Variants in FARS2 observed in about 807,000 individuals in gnomAD.
FARS2 encodes phenylalanine--tRNA ligase, mitochondrial.
In FARS2, 40 loss-of-function variants were observed where a neutral mutation model predicts 46.4. The observed-to-expected ratio is 0.86, with a 90% CI of 0.67 to 1.12. The LOEUF (loss-of-function observed/expected upper bound fraction) is 1.12. Ranked by LOEUF, FARS2 falls within the 50% of genes most tolerant of loss-of-function variation. The probability of loss-of-function intolerance (pLI) is 0.00; values close to 1 mark genes in which losing one functional copy is unlikely to be tolerated. For synonymous variants in FARS2, 234 were observed against 214.9 expected, an observed-to-expected ratio of 1.09 and a Z score of -0.78; for missense variants, 513 against 567.9, an observed-to-expected ratio of 0.90 and a Z score of 0.98.
At chr6:5,422,442 T>G (rs1762607227) in intron 3 of FARS2, among the ~76,000 whole-genome samples, 1 of 152,154 alleles carries the variant, frequency 6.6e-6, no homozygotes, top group African/African-American at 2.4e-5. Context: ...AGACCGTGCC[T>G]TCTTGGTCTC....
chr6:5,335,603 T>C (rs1771098563), intron 1 of FARS2, among the ~76,000 whole-genome samples: 1 of 152,192 alleles, frequency 6.6e-6, no homozygotes, highest in Non-Finnish European at 1.5e-5. Context: ...CAATTAGCAA[T>C]TAGTTGTAAT....
intron 1 of FARS2, among the ~76,000 whole-genome samples, chr6:5,328,830 G>C (rs1770584870): frequency 6.6e-6 from 1 of 152,006 alleles, no homozygotes; most frequent in African/African-American, 2.4e-5. Flanking sequence ...CCATGTCCTG[G>C]AACCTTCTGC....
At chr6:5,478,095 T>G (rs201813716) in intron 4 of FARS2, among the ~76,000 whole-genome samples, 14 of 151,942 alleles carry the variant, frequency 9.2e-5, no homozygotes, top group African/African-American at 3.1e-4. Context: ...AATAAAACAC[T>G]TAGTGCTTGG....
intron 6 of FARS2, among the ~76,000 whole-genome samples, chr6:5,667,838 A>C (rs1317907003): frequency 2.6e-5 from 4 of 152,212 alleles, no homozygotes; most frequent in African/African-American, 9.7e-5. Context: ...ATACATCTTA[A>C]CTTTAGTGGG....
At chr6:5,444,273 C>T (rs1764017331) in intron 4 of FARS2, among the ~76,000 whole-genome samples, 1 of 151,926 alleles carries the variant, frequency 6.6e-6, no homozygotes, top group South Asian at 2.1e-4. Flanking sequence ...TCGCGACCAG[C>T]CTGACCAACA....
At chr6:5,507,195 A>G (rs1768150955) in intron 4 of FARS2, among the ~76,000 whole-genome samples, 1 of 152,214 alleles carries the variant, frequency 6.6e-6, no homozygotes, top group South Asian at 2.1e-4. Flanking sequence ...ACACATTTAC[A>G]GTGTGGTTAA....
At chr6:5,520,659 T>C (rs796534980) in intron 4 of FARS2, among the ~76,000 whole-genome samples, 6 of 152,308 alleles carry the variant, frequency 3.9e-5, no homozygotes, top group African/African-American at 1.4e-4. Context: ...ATGTTTTTCA[T>C]TGTCAAACTG....
At chr6:5,737,517 C>A (rs911277618) in intron 6 of FARS2, among the ~76,000 whole-genome samples, 1 of 152,172 alleles carries the variant, frequency 6.6e-6, no homozygotes, top group African/African-American at 2.4e-5. Flanking sequence ...GGCGACAGAG[C>A]AAGACCCTGT....
intron 6 of FARS2, among the ~76,000 whole-genome samples, chr6:5,742,119 G>A (rs1483144639): frequency 2.6e-5 from 4 of 152,082 alleles, no homozygotes; most frequent in Admixed American, 6.5e-5. Context: ...AGATGAATAG[G>A]TACGTTGGCG....
intron 1 of FARS2, among the ~76,000 whole-genome samples, chr6:5,325,791 A>G (rs1446492074): frequency 6.6e-6 from 1 of 152,218 alleles, no homozygotes; most frequent in Non-Finnish European, 1.5e-5. Flanking sequence ...TATATGATGG[A>G]TAAATTGATA....
chr6:5,361,144 G>A (rs935574282), intron 1 of FARS2, among the ~76,000 whole-genome samples: 11 of 152,102 alleles, frequency 7.2e-5, no homozygotes, highest in Non-Finnish European at 1.0e-4. Flanking sequence ...TGTGTTTATA[G>A]GTAGGTGTAT....
At chr6:5,520,099 G>A (rs73356367) in intron 4 of FARS2, among the ~76,000 whole-genome samples, 16,807 of 152,154 alleles carry the variant, frequency 0.11, 994 homozygotes, top group Admixed American at 0.16. Flanking sequence ...TCTTGGCCTG[G>A]AACTAAGGAG....
intron 2 of FARS2, among the ~76,000 whole-genome samples, chr6:5,392,331 T>C (rs1269619545): frequency 1.3e-5 from 2 of 152,192 alleles, no homozygotes; most frequent in Non-Finnish European, 2.9e-5. Context: ...CATGGCCTTA[T>C]GAACTGCTGC....
At chr6:5,743,466 C>T (rs1761466095) in intron 6 of FARS2, among the ~76,000 whole-genome samples, 1 of 152,228 alleles carries the variant, frequency 6.6e-6, no homozygotes, top group Admixed American at 6.5e-5. Flanking sequence ...TACAGGAGCA[C>T]TTCCTAGTTT....
At chr6:5,606,633 A>G (rs1774854357) in intron 5 of FARS2, among the ~76,000 whole-genome samples, 1 of 152,176 alleles carries the variant, frequency 6.6e-6, no homozygotes, top group East Asian at 1.9e-4. Context: ...AGATGCAGGC[A>G]GAAAGGCAAG....
chr6:5,276,002 T>C (rs1766307504), intron 1 of FARS2, among the ~76,000 whole-genome samples: 1 of 152,184 alleles, frequency 6.6e-6, no homozygotes, highest in Non-Finnish European at 1.5e-5. Flanking sequence ...ACTAGAAGCA[T>C]GGAAATGACT....
intron 4 of FARS2, among the ~76,000 whole-genome samples, chr6:5,464,671 A>G (rs1020121804): frequency 3.9e-5 from 6 of 152,306 alleles, no homozygotes; most frequent in African/African-American, 1.4e-4. Flanking sequence ...TACTGGGACC[A>G]CATACAGTAT....
At chr6:5,621,190 G>T (rs1409381711) in intron 6 of FARS2, among the ~76,000 whole-genome samples, 10 of 151,878 alleles carry the variant, frequency 6.6e-5, no homozygotes, top group African/African-American at 2.4e-4. Context: ...AGGCTCAAGT[G>T]GTCTTCCTAC....
intron 6 of FARS2, among the ~76,000 whole-genome samples, chr6:5,702,072 T>A (rs927823581): frequency 3.3e-5 from 5 of 152,250 alleles, no homozygotes; most frequent in African/African-American, 1.2e-4. Flanking sequence ...TGCTTTATTG[T>A]ACTGCTGTTC....
Sources: allele counts gnomAD v4.1 joint callset (sites outside exome capture counted in the v4.1 genomes callset), GRCh38; gene constraint gnomAD v4.1.1; transcripts MANE v1.5; gene names NCBI Gene and HGNC (gene_info 2026-07-23, HGNC 2026-07-21).